The following CHGA variants were observed in gnomAD, a reference collection of about 807,000 sequenced individuals.
The protein encoded by CHGA is chromogranin A.
CHGA carries 41 observed loss-of-function variants against 54.4 expected under a neutral mutation model. The ratio of observed to expected loss-of-function variants is 0.75; its 90% CI spans 0.59 to 0.98. The LOEUF (loss-of-function observed/expected upper bound fraction) is 0.98. CHGA is among the 50% of genes least tolerant of loss of function. The pLI is 0.00. For synonymous variants in CHGA, 249 were observed against 232.8 expected (o/e 1.07, Z -0.63); for missense variants, 576 against 582.3 (o/e 0.99, Z 0.11).
At chr14:92,927,355 ATG>A (rs767610861) in intron 3 of CHGA, among the ~76,000 whole-genome samples, 193 bp from the exon 4 acceptor site, 1 of 152,208 alleles carries the variant, frequency 6.6e-6, no homozygotes, top group Non-Finnish European at 1.5e-5. Context: ...GACTTCTCTG[ATG>A]TAGTAGGAAA....
intron 4 of CHGA, among the ~76,000 whole-genome samples, chr14:92,928,128 G>A (rs1886923044): frequency 6.6e-6 from 1 of 152,246 alleles, no homozygotes; most frequent in Non-Finnish European, 1.5e-5. Flanking sequence ...CCTGTGGGAA[G>A]CGGCCGTTTC....
At chr14:92,930,750 C>T (rs911986183) in intron 5 of CHGA, among the ~76,000 whole-genome samples, 6 of 152,174 alleles carry the variant, frequency 3.9e-5, no homozygotes, top group Admixed American at 6.5e-5. Context: ...ATTCTAATGA[C>T]GGGAGGAATT....
Position 92,935,156 on chromosome 14 carries a change from T to C in CHGA, c.*272T>C. The stretch of plus-strand genomic sequence containing the variant: ...ACAGGCAGCTTTCTAGAAGTTTCCC[T>C]TCCTCCATCCTATCCACTGGGCACA... On this transcript the variant is annotated 3_prime_UTR_variant, in exon 8 of 8. Coordinates refer to ENST00000216492, the MANE Select transcript of CHGA (RefSeq NM_001275.4). The C allele has an allele frequency of 2.2e-6, 1 of 460,930 alleles. No homozygotes were observed. Among genetic ancestry groups the C allele is most frequent in the East Asian group, 3.9e-5 (1 of 25,922 alleles). The allele number at this position is 460,930 out of a possible 1,614,324, so 28.6% of individuals were successfully genotyped here. A position where few individuals can be genotyped will look rare whatever the true frequency, so the allele number is the denominator to read the frequency against.
Position 92,932,487 on chromosome 14 carries a change from T to C in CHGA, c.926T>C (p.Met309Thr), listed in dbSNP as rs1204781406. 1.3e-6 allele frequency: 2 copies of C among 1,554,976 alleles called. No individual in the cohort carries two copies. The highest frequency in any genetic ancestry group is 1.7e-6 in the Non-Finnish European group (2 of 1,149,318). ...CAGCAGAAAGAGGAGGAGGAGGAGA[T>C]GGCAGTGGTCCCGCAAGGCCTCTTC... Reference protein sequence around the residue: ...HSQQKEEEEEMAVVPQGLFRG... With the variant: ...HSQQKEEEEETAVVPQGLFRG... The change falls in exon 7 of 8, where the codon ATG becomes ACG. Residue 309 changes from methionine to threonine, a missense_variant. Transcript: ENST00000216492. This position sits in a 1 kb window ranked among gnomAD's most constrained non-coding sequence, Gnocchi z 5.3.
chr14:92,928,057 C>T (rs369443561), intron 4 of CHGA, among the ~76,000 whole-genome samples: 3 of 152,260 alleles, frequency 2.0e-5, no homozygotes, highest in Non-Finnish European at 1.5e-5. Context: ...ATGCAAAGCA[C>T]GGCCCTAGCC....
chr14:92,922,998 C>A (rs570224301), upstream of CHGA: 152 of 193,008 alleles, frequency 7.9e-4, 2 homozygotes, highest in East Asian at 1.2e-3. Context: ...CAGCTCCAAG[C>A]GGCGGAGGCC....
At position 92,932,647 on chromosome 14, in the gene CHGA, G is replaced by A. The variant is rs374405768; in HGVS notation, c.1086G>A (p.Glu362=). Residue 362 remains glutamate (E), a synonymous_variant, in exon 7 of 8, where the codon GAG becomes GAA. Transcript: ENST00000216492. This position sits in a 1 kb window ranked among gnomAD's most constrained non-coding sequence, Gnocchi z 5.3. ...CTGAGAAGCGGCTGGAGGGGCAGGA[G>A]GAGGAGGAGGACAACCGGGACAGTT... ...LTAEKRLEGQ[E]EEEDNRDSSM... is the part of the protein sequence containing the mutation. 10 of 1,597,646 alleles carry A rather than the reference G, an allele frequency of 6.3e-6. No homozygotes were observed. In the East Asian group the frequency reaches 1.1e-4, roughly 18 times the overall value.
intron 4 of CHGA, among the ~76,000 whole-genome samples, chr14:92,929,514 G>A (rs1416078108): frequency 1.3e-5 from 2 of 152,234 alleles, no homozygotes; most frequent in African/African-American, 2.4e-5. Context: ...AGGCAGGGTG[G>A]CTGCCTGAGG....
At chr14:92,925,621 G>A (rs543615288) in intron 2 of CHGA, among the ~76,000 whole-genome samples, 2 of 152,140 alleles carry the variant, frequency 1.3e-5, no homozygotes, top group African/African-American at 2.4e-5. Context: ...ACTCCCTGCC[G>A]GTGTTGCCTG....
chr14:92,933,657 G>A (rs894349920), intron 7 of CHGA, among the ~76,000 whole-genome samples: 2 of 152,172 alleles, frequency 1.3e-5, no homozygotes, highest in South Asian at 2.1e-4. Flanking sequence ...TGCCCACCTA[G>A]AAGAGGGTGT....
chr14:92,928,286 C>G (rs1886926583), intron 4 of CHGA, among the ~76,000 whole-genome samples: 1 of 152,220 alleles, frequency 6.6e-6, no homozygotes, highest in African/African-American at 2.4e-5. Context: ...GAAGGCTGCT[C>G]TGGCTTCAGG....
chr14:92,928,390 GT>G (rs1274707135), intron 4 of CHGA, among the ~76,000 whole-genome samples: 3 of 152,152 alleles, frequency 2.0e-5, no homozygotes, highest in Non-Finnish European at 4.4e-5. Context: ...AGCCACGTCA[GT>G]AGGATTCCTG....
In CHGA at chr14:92,932,165, G is replaced by C; in HGVS notation, c.809-205G>C. ...GCCGGGCTTCTGGGGTGAGGATGAG[G>C]GGAAGAGGCAGGCTCCAGCTAACCC... is the stretch of plus-strand genomic sequence containing the variant. On this transcript the variant is annotated intron_variant, in intron 6 of 7. Coordinates refer to ENST00000216492, the MANE Select transcript of CHGA (RefSeq NM_001275.4). The surrounding 1 kb of genome is among the most constrained non-coding windows in gnomAD (Gnocchi z 5.3). 1.8e-6 allele frequency: 1 copy of C among 565,868 alleles called. No individual in the cohort carries two copies. The highest frequency in any genetic ancestry group is 2.8e-6 in the Non-Finnish European group (1 of 358,934). The allele number at this position is 565,868 out of a possible 1,614,324, so 35.1% of individuals were successfully genotyped here.
intron 7 of CHGA, among the ~76,000 whole-genome samples, chr14:92,934,459 G>A (rs1439441975): frequency 6.6e-6 from 1 of 152,172 alleles, no homozygotes; most frequent in African/African-American, 2.4e-5. Flanking sequence ...GCTAGGCCGA[G>A]GGAAGGGGGC....
In CHGA at chr14:92,932,612, G is replaced by A. The variant is rs1310251280; in HGVS notation, c.1051G>A (p.Glu351Lys). The A allele has an allele frequency of 6.3e-7, 1 of 1,584,136 alleles. No homozygotes were observed. Among genetic ancestry groups the A allele is most frequent in the Non-Finnish European group, 8.6e-7 (1 of 1,166,014 alleles). The change falls in exon 7 of 8, where the codon GAG (glutamate) becomes AAG (lysine). Residue 351 changes from glutamate to lysine, a missense_variant. Transcript: ENST00000216492. This position sits in a 1 kb window ranked among gnomAD's most constrained non-coding sequence, Gnocchi z 5.3. ...RWSKMDQLAK[E>K]LTAEKRLEGQ... is the part of the protein sequence containing the mutation. ...GAGCAAGATGGACCAGCTGGCCAAGGAGCTGACGGCTGAGAAGCGGCTGGA... is the reference window on the plus strand; with the variant it reads ...GAGCAAGATGGACCAGCTGGCCAAGAAGCTGACGGCTGAGAAGCGGCTGGA...
chr14:92,931,766 C>CT, intron 6 of CHGA, 64 bp downstream of exon 6: 1 of 1,448,778 alleles, frequency 6.9e-7, no homozygotes, highest in Non-Finnish European at 9.4e-7. Context: ...GGGAGGAGAG[C>CT]CTTCTCCATA....
In CHGA at chr14:92,923,294, C is replaced by T; in HGVS notation, c.-66C>T. 1.6e-6 allele frequency: 2 copies of T among 1,256,564 alleles called. No homozygotes were observed. Among genetic ancestry groups the T allele is most frequent in the Non-Finnish European group, 2.0e-6 (2 of 1,001,602 alleles). The allele number at this position is 1,256,564 out of a possible 1,614,324, so 77.8% of individuals were successfully genotyped here. On this transcript the variant is annotated 5_prime_UTR_variant, in exon 1 of 8. Transcript: ENST00000216492. ...AGCCCGACCCCGGCCGCCAGTCCAG[C>T]CGCCCCTCGCCCGGTGCCTAGGTGC...
At chr14:92,933,111 T>G (rs549984588) in intron 7 of CHGA, 288 of 442,498 alleles carry the variant, frequency 6.5e-4, no homozygotes, top group African/African-American at 5.3e-3. Flanking sequence ...GGGGACGTTG[T>G]CCAGAAGGCA....
rs755578275 is a variant in CHGA, at chr14:92,932,341, C to A, written c.809-29C>A. 1 of 1,550,082 alleles carries A rather than the reference C, an allele frequency of 6.5e-7. No individual in the cohort carries two copies. Among genetic ancestry groups the A allele is most frequent in the Non-Finnish European group, 8.7e-7 (1 of 1,147,076 alleles). ...GGAAAATGGTGGTCCCCCACCCATT[C>A]TCCTGCTCTTGCCCACCACCTGCTC... On this transcript the variant is annotated intron_variant, in intron 6 of 7. Transcript: ENST00000216492. The surrounding 1 kb of genome is among the most constrained non-coding windows in gnomAD (Gnocchi z 5.3).
Sources: gnomAD v4.1 joint callset for allele counts (sites outside exome capture counted in the v4.1 genomes callset) on GRCh38, gnomAD v4.1.1 for gene constraint, Gnocchi (gnomAD v3.1) non-coding constraint, MANE v1.5 for transcripts, NCBI Gene and HGNC (gene_info 2026-07-23, HGNC 2026-07-21) for gene names.